Variants in GPR160 observed in about 807,000 individuals in gnomAD.
GPR160 encodes the protein G protein-coupled receptor 160.
A neutral mutation model predicts 2.6 loss-of-function variants in GPR160; 2 were observed. That is an observed-to-expected ratio of 0.77 (90% CI 0.32 to 2.44). The LOEUF is 2.44. GPR160 is among the 30% of genes most tolerant of loss of function. The pLI is 0.11. For synonymous variants in GPR160, 130 were observed against 132.2 expected (o/e 0.98, Z 0.12); for missense variants, 351 against 383.6 (o/e 0.91, Z 0.71).
At position 170,051,279 on chromosome 3, in the gene GPR160, C is replaced by T. The variant is rs972647457; in HGVS notation, c.-193+12236C>T. Among the ~76,000 whole-genome samples the T allele has an allele frequency of 5.3e-5, 8 of 152,076 alleles. No homozygotes were observed. In the East Asian group the frequency reaches 1.5e-3, roughly 29 times the overall value. On this transcript the variant is annotated intron_variant, in intron 2 of 3. Coordinates refer to ENST00000355897, the MANE Select transcript of GPR160 (RefSeq NM_014373.3). ...TCTTCTTTTTTATTGGATATTTGAT[C>T]TATATTGATATCAATATAGATCTAT...
chr3:170,053,808 A>T (rs1711512034), intron 2 of GPR160, among the ~76,000 whole-genome samples: 1 of 152,096 alleles, frequency 6.6e-6, no homozygotes, highest in African/African-American at 2.4e-5. Context: ...ATGGTTGTTG[A>T]ATTTTTTCCA....
At chr3:170,070,657 G>A (rs1341711228) in intron 2 of GPR160, among the ~76,000 whole-genome samples, 2 of 152,228 alleles carry the variant, frequency 1.3e-5, no homozygotes, top group African/African-American at 4.8e-5. Context: ...TTAACAACTA[G>A]AGACTAGGTT....
chr3:170,068,781 A>G (rs982436266), intron 2 of GPR160, among the ~76,000 whole-genome samples: 8 of 151,988 alleles, frequency 5.3e-5, no homozygotes, highest in East Asian at 1.9e-4. Flanking sequence ...CATTGTGTCT[A>G]TTTCCTCCAA....
chr3:170,059,016 C>T (rs955417266), intron 2 of GPR160, among the ~76,000 whole-genome samples: 16 of 133,020 alleles, frequency 1.2e-4, no homozygotes, highest in Admixed American at 1.1e-3. Flanking sequence ...CACATGTACA[C>T]ACACACATGC....
intron 2 of GPR160, among the ~76,000 whole-genome samples, chr3:170,058,734 A>G (rs1711775325): frequency 6.6e-6 from 1 of 152,204 alleles, no homozygotes; most frequent in Non-Finnish European, 1.5e-5. Context: ...AAAATAGCAA[A>G]GAATATGTAC....
chr3:170,039,524 C>T (rs1002638462), intron 2 of GPR160, among the ~76,000 whole-genome samples: 7 of 152,178 alleles, frequency 4.6e-5, no homozygotes, highest in Non-Finnish European at 8.8e-5. Flanking sequence ...GCCTGGCCAA[C>T]ATGGTGAAAC....
intron 2 of GPR160, among the ~76,000 whole-genome samples, chr3:170,071,041 C>A (rs543311576): frequency 6.6e-6 from 1 of 152,254 alleles, no homozygotes; most frequent in East Asian, 1.9e-4. Context: ...AGATTTCTAC[C>A]GATAGTCTCT....
intron 2 of GPR160, among the ~76,000 whole-genome samples, chr3:170,057,007 CT>C (rs1553767674): frequency 6.6e-6 from 1 of 152,182 alleles, no homozygotes; most frequent in Non-Finnish European, 1.5e-5. Flanking sequence ...CTATGTTTAG[CT>C]TGAGTGCATA....
chr3:170,074,426 TTTTC>T (rs1712751294), intron 2 of GPR160, among the ~76,000 whole-genome samples: 1 of 152,144 alleles, frequency 6.6e-6, no homozygotes, highest in Non-Finnish European at 1.5e-5. Context: ...TTTGTATCGA[TTTTC>T]TTTCTGTTGT....
Position 170,085,359 on chromosome 3 carries a change from T to TAAAC in GPR160, c.*372_*375dup, listed in dbSNP as rs1713384136. 1 of 170,680 alleles carries TAAAC rather than the reference T, an allele frequency of 5.9e-6. No homozygotes were observed. The highest frequency in any genetic ancestry group is 2.4e-5 in the African/African-American group (1 of 41,602). 10.6% of individuals were successfully genotyped at this position (170,680 alleles called of 1,614,324 possible). On this transcript the variant is annotated 3_prime_UTR_variant, in exon 4 of 4. Coordinates refer to ENST00000355897, the MANE Select transcript of GPR160 (RefSeq NM_014373.3). Reference sequence around the variant, plus strand: ...CACTGACAACTTTAAGATATCAACCTAAACATTTTTATTAAATGTTCAAAT... The same window carrying TAAAC: ...CACTGACAACTTTAAGATATCAACCTAAACAAACATTTTTATTAAATGTTCAAAT...
intron 2 of GPR160, among the ~76,000 whole-genome samples, chr3:170,042,681 AT>A: frequency 6.7e-6 from 1 of 148,632 alleles, no homozygotes; most frequent in African/African-American, 2.5e-5. Context: ...AAAAAAATAA[AT>A]AAATAATAAT....
intron 2 of GPR160, among the ~76,000 whole-genome samples, chr3:170,064,514 C>CTTTTTTTTTTTTTTTTT (rs1175382810): frequency 1.2e-4 from 10 of 81,052 alleles, no homozygotes; most frequent in South Asian, 4.4e-4. Context: ...CTTTTCTTTT[C>CTTTTTTTTTTTTTTTTT]TTTTTTTTTT....
intron 2 of GPR160, among the ~76,000 whole-genome samples, chr3:170,063,884 C>A (rs1712139229): frequency 6.6e-6 from 1 of 152,198 alleles, no homozygotes; most frequent in Non-Finnish European, 1.5e-5. Flanking sequence ...CCCGCTGCGG[C>A]TTTTCTGAGC....
At chr3:170,070,739 TTA>T (rs1304714385) in intron 2 of GPR160, among the ~76,000 whole-genome samples, 1 of 152,178 alleles carries the variant, frequency 6.6e-6, no homozygotes, top group East Asian at 1.9e-4. Flanking sequence ...TGATTTACTG[TTA>T]TGTTAGTGGA....
At chr3:170,049,063 C>G (rs1716848603) in intron 2 of GPR160, among the ~76,000 whole-genome samples, 1 of 152,202 alleles carries the variant, frequency 6.6e-6, no homozygotes, top group South Asian at 2.1e-4. Context: ...ACCACTGTGT[C>G]TACCACTGGT....
At chr3:170,050,932 A>G (rs535802446) in intron 2 of GPR160, among the ~76,000 whole-genome samples, 54 of 152,322 alleles carry the variant, frequency 3.5e-4, no homozygotes, top group African/African-American at 1.1e-3. Flanking sequence ...GTTGCTATCT[A>G]CAAGTGTTAG....
chr3:170,073,018 C>T (rs1712678597), intron 2 of GPR160, among the ~76,000 whole-genome samples: 1 of 151,948 alleles, frequency 6.6e-6, no homozygotes, highest in African/African-American at 2.4e-5. Context: ...CCCATCTCTA[C>T]AAATAAAAAA....
intron 2 of GPR160, among the ~76,000 whole-genome samples, chr3:170,063,573 A>AAC (rs1347708560): frequency 7.2e-6 from 1 of 138,150 alleles, no homozygotes; most frequent in African/African-American, 2.6e-5. Context: ...AAAAAAAAAA[A>AAC]ACCTCAGCAC....
chr3:170,043,744 G>C (rs77223535), intron 2 of GPR160, among the ~76,000 whole-genome samples: 1 of 152,072 alleles, frequency 6.6e-6, no homozygotes, highest in Non-Finnish European at 1.5e-5. Context: ...GGTGACAGGC[G>C]GGGGGCATGG....
Sources: allele counts gnomAD v4.1 joint callset (sites outside exome capture counted in the v4.1 genomes callset), GRCh38; gene constraint gnomAD v4.1.1; transcripts MANE v1.5; gene names NCBI Gene and HGNC (gene_info 2026-07-23, HGNC 2026-07-21).